CSMD1: variants seen among roughly 807,000 people sequenced by gnomAD.
CSMD1 encodes the protein CUB and Sushi multiple domains 1.
Under a neutral mutation model 417.5 loss-of-function variants are expected in CSMD1, and 213 were observed. The ratio of observed to expected loss-of-function variants is 0.51; its 90% CI spans 0.46 to 0.57. CSMD1 has a LOEUF of 0.57. Ranked by LOEUF, CSMD1 falls within the 20% of genes least tolerant of loss-of-function variation. The pLI is 0.00. For synonymous variants in CSMD1, 2,862 were observed against 1,736.8 expected (o/e 1.65, Z -16.11); for missense variants, 6,923 against 4,529.7 (o/e 1.53, Z -15.17).
chr8:3,123,284 G>T (rs1159349328), intron 41 of CSMD1, among the ~76,000 whole-genome samples: 1 of 152,000 alleles, frequency 6.6e-6, no homozygotes, highest in African/African-American at 2.4e-5. Flanking sequence ...CCTCTGCCAG[G>T]GACCACTCCA....
At chr8:4,372,165 T>C (rs779061114) in intron 3 of CSMD1, among the ~76,000 whole-genome samples, 5 of 152,188 alleles carry the variant, frequency 3.3e-5, no homozygotes, top group Non-Finnish European at 7.4e-5. Flanking sequence ...CTTCTACTTG[T>C]CCAAAAAGAG....
In CSMD1 at chr8:4,022,697, G is replaced by C. The variant is rs140519353; in HGVS notation, c.610+9208C>G. Among the ~76,000 whole-genome samples the C allele has an allele frequency of 6.0e-3, 910 of 152,252 alleles. 8 individuals are homozygous for C. The highest frequency in any genetic ancestry group is 0.018 in the African/African-American group (756 of 41,544). Reference sequence around the variant, plus strand: ...ATTTGGGGGAAATGAAGGCAAGTGGGATATTGAAAAGCTGTGGTGAAGTGA... The same window carrying C: ...ATTTGGGGGAAATGAAGGCAAGTGGCATATTGAAAAGCTGTGGTGAAGTGA... On this transcript the variant is annotated intron_variant, in intron 4 of 69. Coordinates refer to ENST00000635120, the MANE Select transcript of CSMD1 (RefSeq NM_033225.6).
At chr8:4,585,076 A>G (rs1055531020) in intron 2 of CSMD1, among the ~76,000 whole-genome samples, 1 of 148,146 alleles carries the variant, frequency 6.8e-6, no homozygotes, top group African/African-American at 2.6e-5. Context: ...CCAGGAGAAA[A>G]GACCAAGTGA....
At chr8:4,503,040 T>A (rs1314267121) in intron 2 of CSMD1, among the ~76,000 whole-genome samples, 1 of 152,178 alleles carries the variant, frequency 6.6e-6, no homozygotes, top group Non-Finnish European at 1.5e-5. Flanking sequence ...TTTATGAAAA[T>A]ACCTTTTACT....
intron 4 of CSMD1, among the ~76,000 whole-genome samples, chr8:4,024,342 T>C (rs1796951156): frequency 6.6e-6 from 1 of 152,136 alleles, no homozygotes; most frequent in Admixed American, 6.5e-5. Flanking sequence ...CCAGAAATGG[T>C]TAAATCTTAT....
chr8:3,842,657 A>G (rs1201338278), intron 5 of CSMD1, among the ~76,000 whole-genome samples: 1 of 152,148 alleles, frequency 6.6e-6, no homozygotes, highest in Non-Finnish European at 1.5e-5. Context: ...ACACTCATAA[A>G]TTATGTTGCA....
In CSMD1 at chr8:4,093,675, G is replaced by C. The variant is rs149485063; in HGVS notation, c.416-61576C>G. 2.1e-3 allele frequency among the ~76,000 whole-genome samples: 326 copies of C among 152,196 alleles called. 3 individuals carry two copies. The highest frequency in any genetic ancestry group is 7.4e-3 in the African/African-American group (309 of 41,544). ...GTGAATTTTAAAAAGGAAAGCAACA[G>C]AACGGCCGGGTGCAGAGGCTCACAA... On this transcript the variant is annotated intron_variant, in intron 3 of 69. Coordinates refer to ENST00000635120, the MANE Select transcript of CSMD1 (RefSeq NM_033225.6).
chr8:4,790,576 A>C (rs1797636071), intron 1 of CSMD1, among the ~76,000 whole-genome samples: 1 of 152,224 alleles, frequency 6.6e-6, no homozygotes, highest in African/African-American at 2.4e-5. Flanking sequence ...GCCCGACTTT[A>C]AGCTATACAA....
chr8:4,449,961 T>A (rs1481373854), intron 2 of CSMD1, among the ~76,000 whole-genome samples: 1 of 152,180 alleles, frequency 6.6e-6, no homozygotes, highest in Non-Finnish European at 1.5e-5. Flanking sequence ...CTTTTTCTTG[T>A]TTTTCCACAT....
intron 1 of CSMD1, among the ~76,000 whole-genome samples, chr8:4,755,011 G>A (rs975760573): frequency 2.6e-5 from 4 of 152,036 alleles, no homozygotes; most frequent in Non-Finnish European, 5.9e-5. Flanking sequence ...GGTGGCATGT[G>A]CCTGTGATCC....
chr8:3,005,433 T>A (rs1389256550), intron 52 of CSMD1, among the ~76,000 whole-genome samples: 1 of 152,178 alleles, frequency 6.6e-6, no homozygotes, highest in African/African-American at 2.4e-5. Flanking sequence ...GAGGCCAGCA[T>A]CATCCTGATA....
chr8:4,987,159 T>C (rs1215601575), intron 1 of CSMD1, among the ~76,000 whole-genome samples: 4 of 152,150 alleles, frequency 2.6e-5, no homozygotes, highest in South Asian at 4.1e-4. Context: ...GGGATGGGCG[T>C]GGGTAGAAAA....
chr8:4,086,576 C>G (rs769877709), intron 3 of CSMD1, among the ~76,000 whole-genome samples: 5 of 152,186 alleles, frequency 3.3e-5, no homozygotes, highest in Non-Finnish European at 7.3e-5. Context: ...CATCCAATCT[C>G]CTCTACTGAT....
intron 4 of CSMD1, among the ~76,000 whole-genome samples, chr8:4,007,356 C>T (rs768957664): frequency 6.6e-6 from 1 of 152,220 alleles, no homozygotes; most frequent in Non-Finnish European, 1.5e-5. Flanking sequence ...CTCTTTTCCT[C>T]ACTGGGTCTA....
intron 10 of CSMD1, among the ~76,000 whole-genome samples, chr8:3,498,700 T>C (rs1226661844): frequency 6.6e-6 from 1 of 152,202 alleles, no homozygotes; most frequent in African/African-American, 2.4e-5. Context: ...TACTTATTCT[T>C]TTTTGTCTGA....
chr8:4,004,127 T>A (rs1815918243), intron 4 of CSMD1, among the ~76,000 whole-genome samples: 1 of 152,106 alleles, frequency 6.6e-6, no homozygotes, highest in Non-Finnish European at 1.5e-5. Context: ...TATGTATATT[T>A]CAAGTTAACT....
At chr8:3,191,470 G>A (rs754039595) in intron 33 of CSMD1, among the ~76,000 whole-genome samples, 9 of 151,950 alleles carry the variant, frequency 5.9e-5, no homozygotes, top group East Asian at 1.9e-4. Context: ...AGTAAAAAAT[G>A]AAAAAATAGC....
chr8:4,027,836 T>G (rs1797142571), intron 4 of CSMD1, among the ~76,000 whole-genome samples: 2 of 152,142 alleles, frequency 1.3e-5, no homozygotes, highest in African/African-American at 2.4e-5. Context: ...TGACTTGAGA[T>G]CTACATGATC....
chr8:4,457,467 T>C (rs1321201275), intron 2 of CSMD1, among the ~76,000 whole-genome samples: 1 of 152,104 alleles, frequency 6.6e-6, no homozygotes, highest in Non-Finnish European at 1.5e-5. Context: ...TCTTGCTTAT[T>C]GGAAAAGATT....
Sources: gnomAD v4.1 joint callset for allele counts (sites outside exome capture counted in the v4.1 genomes callset) on GRCh38, gnomAD v4.1.1 for gene constraint, MANE v1.5 for transcripts, NCBI Gene and HGNC (gene_info 2026-07-23, HGNC 2026-07-21) for gene names.